The following MIDEAS variants were observed in gnomAD, a reference collection of about 807,000 sequenced individuals.
MIDEAS encodes the protein mitotic deacetylase-associated SANT domain protein.
In MIDEAS, 26 loss-of-function variants were observed where a neutral mutation model predicts 102.7. The observed-to-expected ratio is 0.25, with a 90% CI of 0.19 to 0.35. The LOEUF is 0.35. MIDEAS is among the 10% of genes least tolerant of loss of function. The pLI is 1.00. For missense variants in MIDEAS, 1,231 were observed against 1,435.6 expected (o/e 0.86, Z 2.30); for synonymous variants, 585 against 591.0 (o/e 0.99, Z 0.15).
chr14:73,768,511 C>A (rs1355866208), intron 1 of MIDEAS, among the ~76,000 whole-genome samples: 2 of 138,386 alleles, frequency 1.4e-5, no homozygotes, highest in African/African-American at 2.8e-5. Flanking sequence ...TTATTGCCAA[C>A]TTTTTTTTTT....
intron 1 of MIDEAS, among the ~76,000 whole-genome samples, chr14:73,768,511 C>CTTT (rs59819061): frequency 5.1e-5 from 7 of 138,388 alleles, no homozygotes; most frequent in Admixed American, 1.4e-4. Flanking sequence ...TTATTGCCAA[C>CTTT]TTTTTTTTTT....
intron 9 of MIDEAS, chr14:73,723,086 A>C: frequency 7.9e-6 from 3 of 381,046 alleles, no homozygotes; most frequent in Non-Finnish European, 1.4e-5. Context: ...ATAAAGGACA[A>C]TGTCGGAACC....
In MIDEAS at chr14:73,739,499, C is replaced by G. The variant is rs756012048; in HGVS notation, c.510G>C (p.Ala170=). Residue 170 remains alanine (A), a synonymous_variant, in exon 2 of 13, where the codon GCG becomes GCC. Coordinates refer to ENST00000423556, the MANE Select transcript of MIDEAS (RefSeq NM_001367710.1). The part of the protein sequence containing the change: ...NHPEALKREK[A]GGPQLDRYVR... ...CATAGCGGTCCAGCTGTGGGCCCCC[C>G]GCTTTCTCCCGCTTCAGTGCCTCAG... 1 of 1,612,842 alleles carries G rather than the reference C, an allele frequency of 6.2e-7. No homozygotes were observed. The highest frequency in any genetic ancestry group is 1.3e-5 in the African/African-American group (1 of 74,928).
intron 1 of MIDEAS, among the ~76,000 whole-genome samples, chr14:73,740,821 A>T (rs539417097): frequency 6.6e-6 from 1 of 152,336 alleles, no homozygotes; most frequent in South Asian, 2.1e-4. Context: ...GGACAGGGTC[A>T]TTCCCGACGT....
Position 73,717,969 on chromosome 14 carries a change from T to A in MIDEAS, c.*874A>T, listed in dbSNP as rs1566578912. 1.3e-5 allele frequency: 2 copies of A among 152,322 alleles called. No individual in the cohort carries two copies. The highest frequency in any genetic ancestry group is 3.9e-4 in the East Asian group (2 of 5,154). The allele number at this position is 152,322 out of a possible 1,614,324, so 9.4% of individuals were successfully genotyped here. On this transcript the variant is annotated 3_prime_UTR_variant, in exon 13 of 13. Transcript: ENST00000423556. ...GGGCAGGCTGAGCCTCTCCGGGACCTGCTCAAGGCGAAGCGCCCTTGGCAG... is the reference window on the plus strand; with the variant it reads ...GGGCAGGCTGAGCCTCTCCGGGACCAGCTCAAGGCGAAGCGCCCTTGGCAG...
At chr14:73,775,539 C>T (rs552694285) in intron 1 of MIDEAS, among the ~76,000 whole-genome samples, 2 of 152,146 alleles carry the variant, frequency 1.3e-5, no homozygotes, top group African/African-American at 4.8e-5. Context: ...TCTAAGCGAT[C>T]CAAGCCTCAG....
rs1035257443 is a variant in MIDEAS, at chr14:73,738,786, T to G, written c.1223A>C (p.Gln408Pro). 3.8e-6 allele frequency: 6 copies of G among 1,583,930 alleles called. No homozygotes were observed. In the East Asian group the frequency reaches 1.4e-4, roughly 36 times the overall value. The change falls in exon 2 of 13, where the codon CAG (glutamine) becomes CCG (proline). Residue 408 changes from glutamine (Q) to proline (P), a missense_variant. Coordinates refer to ENST00000423556, the MANE Select transcript of MIDEAS (RefSeq NM_001367710.1). ...TAGTCTCTCCCCATCAGGCAGTAGC[T>G]GCGACTCCCTCAGCTCCAGCGGGAA... ...LGFPLELRES[Q>P]LLPDGERLAP...
intron 1 of MIDEAS, among the ~76,000 whole-genome samples, chr14:73,756,560 C>T (rs1237709030): frequency 1.3e-5 from 2 of 152,178 alleles, no homozygotes; most frequent in Non-Finnish European, 2.9e-5. Flanking sequence ...GCAATTCCTC[C>T]AACAGAATGC....
chr14:73,736,475 C>T (rs1053827307), intron 3 of MIDEAS, among the ~76,000 whole-genome samples: 5 of 151,774 alleles, frequency 3.3e-5, no homozygotes, highest in Admixed American at 3.3e-4. Flanking sequence ...ACTAAAAATA[C>T]AAAAAATTAG....
intron 12 of MIDEAS, 79 bp downstream of exon 12, chr14:73,719,226 C>CCGGG: frequency 7.0e-7 from 1 of 1,433,276 alleles, no homozygotes; most frequent in Non-Finnish European, 9.2e-7. Flanking sequence ...ACCTCTTCCC[C>CCGGG]CTCCCCTCCA....
upstream of MIDEAS, chr14:73,789,119 A>G (rs2053845149): frequency 6.6e-6 from 1 of 152,130 alleles, no homozygotes; most frequent in African/African-American, 2.4e-5. Flanking sequence ...GCCTCCAGGT[A>G]TTCATACCCT....
At chr14:73,746,444 G>A (rs2053352098) in intron 1 of MIDEAS, among the ~76,000 whole-genome samples, 1 of 152,226 alleles carries the variant, frequency 6.6e-6, no homozygotes, top group Admixed American at 6.5e-5. Flanking sequence ...GATCCCAGCA[G>A]GAGTAGGGTA....
chr14:73,789,092 C>A (rs1447395029), upstream of MIDEAS: 1 of 152,112 alleles, frequency 6.6e-6, no homozygotes, highest in Admixed American at 6.5e-5. Flanking sequence ...AAGATGCGCC[C>A]CCTGCCAATG....
chr14:73,779,856 C>T (rs1199078580), intron 1 of MIDEAS, among the ~76,000 whole-genome samples: 9 of 147,500 alleles, frequency 6.1e-5, no homozygotes, highest in South Asian at 2.2e-4. Context: ...GGATTACAGG[C>T]GTGAGCCACC....
rs558221818 is a variant in MIDEAS, at chr14:73,725,500, A to G, written c.2486-140T>C. 2.1e-5 allele frequency: 14 copies of G among 658,454 alleles called. No homozygotes were observed. Among genetic ancestry groups the G allele is most frequent in the African/African-American group, 1.1e-4 (6 of 55,654 alleles). The allele number at this position is 658,454 out of a possible 1,614,324, so 40.8% of individuals were successfully genotyped here. On this transcript the variant is annotated intron_variant, in intron 8 of 12. Transcript: ENST00000423556. The surrounding 1 kb of genome is among the most constrained non-coding windows in gnomAD (Gnocchi z 4.1). ...AGAGCCGGCTCCTCGTCCCACTTCCATGTGCCTCACAGCCTCGCTCCCTTG... is the reference window on the plus strand; with the variant it reads ...AGAGCCGGCTCCTCGTCCCACTTCCGTGTGCCTCACAGCCTCGCTCCCTTG...
In MIDEAS at chr14:73,718,540, A is replaced by T; in HGVS notation, c.*303T>A. On this transcript the variant is annotated 3_prime_UTR_variant, in exon 13 of 13. Transcript: ENST00000423556. ...ACTGCGGGGCAGCAGAGCAGCAGAA[A>T]TCGGAGTGTGAGAGGCGGTGGAGTC... 3.7e-6 allele frequency: 1 copy of T among 268,994 alleles called. No homozygotes were observed. The highest frequency in any genetic ancestry group is 6.9e-6 in the Non-Finnish European group (1 of 144,414). The allele number at this position is 268,994 out of a possible 1,614,324, so 16.7% of individuals were successfully genotyped here. A position where few individuals can be genotyped will look rare whatever the true frequency, so the allele number is the denominator to read the frequency against.
intron 3 of MIDEAS, among the ~76,000 whole-genome samples, chr14:73,732,348 G>A (rs1434475792): frequency 6.7e-6 from 1 of 150,342 alleles, no homozygotes; most frequent in Admixed American, 6.6e-5. Context: ...CAAGATCTAG[G>A]TGAAAAAAAA....
chr14:73,745,431 C>A (rs1318358525), intron 1 of MIDEAS, among the ~76,000 whole-genome samples: 2 of 152,206 alleles, frequency 1.3e-5, no homozygotes, highest in African/African-American at 2.4e-5. Flanking sequence ...TTACCTCATG[C>A]CCTGACATGG....
chr14:73,776,802 C>T (rs1412336629), intron 1 of MIDEAS, among the ~76,000 whole-genome samples: 1 of 151,896 alleles, frequency 6.6e-6, no homozygotes, highest in African/African-American at 2.4e-5. Context: ...ACATCAGCCT[C>T]AGGCTCACGC....
Sources: allele counts gnomAD v4.1 joint callset (sites outside exome capture counted in the v4.1 genomes callset), GRCh38; gene constraint gnomAD v4.1.1; non-coding constraint Gnocchi (gnomAD v3.1); transcripts MANE v1.5; gene names NCBI Gene and HGNC (gene_info 2026-07-23, HGNC 2026-07-21).